The following TCAIM variants were observed in gnomAD, a reference collection of about 807,000 sequenced individuals.
The protein encoded by TCAIM is T-cell activation inhibitor, mitochondrial.
In TCAIM, 36 loss-of-function variants were observed where a neutral mutation model predicts 58.6. The observed-to-expected ratio is 0.61, with a 90% confidence interval of 0.47 to 0.81. TCAIM has a LOEUF of 0.81. Among genes scored for constraint, TCAIM ranks in the 30% least tolerant of loss-of-function variants. The probability of loss-of-function intolerance (pLI) is 0.00; values close to 1 mark genes in which losing one functional copy is unlikely to be tolerated. For synonymous variants in TCAIM, 172 were observed against 193.6 expected (o/e 0.89, Z 0.93); for missense variants, 466 against 579.6 (o/e 0.80, Z 2.01).
chr3:44,343,502 T>G (rs1559556697), intron 1 of TCAIM, among the ~76,000 whole-genome samples: 1 of 152,202 alleles, frequency 6.6e-6, no homozygotes, highest in African/African-American at 2.4e-5. Context: ...ATAACCAATA[T>G]GAAAAATTAT....
intron 1 of TCAIM, among the ~76,000 whole-genome samples, chr3:44,350,437 CTTT>C (rs34725315): frequency 6.9e-6 from 1 of 145,732 alleles, no homozygotes. Context: ...CATTTTCTTT[CTTT>C]TTTTTTTTTG....
chr3:44,365,018 A>G (rs1019484055), intron 4 of TCAIM, among the ~76,000 whole-genome samples: 1 of 152,154 alleles, frequency 6.6e-6, no homozygotes, highest in Admixed American at 6.5e-5. Flanking sequence ...GGCAATCCTC[A>G]CTATATAGCA....
intron 5 of TCAIM, among the ~76,000 whole-genome samples, chr3:44,377,712 GA>G (rs1250200387): frequency 1.3e-5 from 2 of 152,086 alleles, no homozygotes; most frequent in African/African-American, 4.8e-5. Context: ...ATCAACAACA[GA>G]AGTAAAACTG....
chr3:44,357,831 T>C lies in TCAIM; in HGVS notation c.120T>C (p.Tyr40=), dbSNP rs750107377. The C allele has an allele frequency of 6.2e-7, 1 of 1,614,176 alleles. No homozygotes were observed. The highest frequency in any genetic ancestry group is 8.5e-7 in the Non-Finnish European group (1 of 1,180,018). The change falls in exon 3 of 11, where the codon TAT becomes TAC. Residue 40 remains tyrosine (Y), a synonymous_variant. Transcript: ENST00000342649. The part of the protein sequence containing the change: ...AEAVNALRPF[Y]FAVHPDFFGQ... ...CAGTCAATGCCTTGAGGCCTTTCTATTTTGCAGTACATCCAGATTTCTTTG... is the reference window on the plus strand; with the variant it reads ...CAGTCAATGCCTTGAGGCCTTTCTACTTTGCAGTACATCCAGATTTCTTTG...
chr3:44,367,567 A>G lies in TCAIM; in HGVS notation c.431A>G (p.Asn144Ser), dbSNP rs202192231. ...GAACATATCCAAAGCTTGAATACTA[A>G]TATGCATACCCAGCCTCTCAAAGAA... ...SVEHIQSLNT[N>S]MHTQPLKEAK... The change falls in exon 5 of 11, where the codon AAT becomes AGT. Residue 144 changes from asparagine (N) to serine (S), a missense_variant. Physicochemically the swap from Asn to Ser is conservative, Grantham distance 46 (BLOSUM62 1). Coordinates refer to ENST00000342649, the MANE Select transcript of TCAIM (RefSeq NM_173826.4). The G allele has an allele frequency of 2.5e-6, 4 of 1,614,120 alleles. No homozygotes were observed. In the Admixed American group the frequency reaches 5.0e-5, roughly 20 times the overall value.
intron 1 of TCAIM, among the ~76,000 whole-genome samples, chr3:44,353,480 A>T (rs1026573055): frequency 2.0e-5 from 3 of 152,322 alleles, no homozygotes; most frequent in South Asian, 2.1e-4. Flanking sequence ...GAGTATGTTT[A>T]GTTTTGTAAG....
At chr3:44,348,022 G>A (rs1044028651) in intron 1 of TCAIM, among the ~76,000 whole-genome samples, 2 of 152,166 alleles carry the variant, frequency 1.3e-5, no homozygotes, top group Non-Finnish European at 2.9e-5. Context: ...GGGCAGGTGG[G>A]AATAACTAAA....
chr3:44,390,042 ACTT>A (rs1300578452), intron 5 of TCAIM, among the ~76,000 whole-genome samples: 1 of 152,164 alleles, frequency 6.6e-6, no homozygotes, highest in African/African-American at 2.4e-5. Flanking sequence ...AGGAAGAATT[ACTT>A]CTTCTTTTCT....
intron 2 of TCAIM, among the ~76,000 whole-genome samples, chr3:44,356,326 A>G (rs527956071): frequency 2.0e-5 from 3 of 152,278 alleles, no homozygotes; most frequent in Non-Finnish European, 2.9e-5. Context: ...CAGGAGTTCA[A>G]GACCAGCTGG....
chr3:44,354,608 T>C (rs750272720), intron 1 of TCAIM, 131 bp from the exon 2 acceptor site: 4 of 579,680 alleles, frequency 6.9e-6, no homozygotes, highest in Non-Finnish European at 1.2e-5. Context: ...GTTTTCCTTA[T>C]CTAGATCTTA....
intron 8 of TCAIM, among the ~76,000 whole-genome samples, chr3:44,399,965 A>C (rs1343504969): frequency 1.3e-5 from 2 of 152,224 alleles, no homozygotes; most frequent in African/African-American, 4.8e-5. Context: ...CTTTAAAGTA[A>C]ATTTTGAAGG....
chr3:44,366,160 T>C (rs1701370281), intron 4 of TCAIM, among the ~76,000 whole-genome samples: 1 of 152,148 alleles, frequency 6.6e-6, no homozygotes, highest in African/African-American at 2.4e-5. Context: ...TGAAAAGATA[T>C]GTAAATTAAG....
intron 10 of TCAIM, 140 bp from the exon 11 acceptor site, chr3:44,407,302 C>T: frequency 1.6e-6 from 1 of 606,790 alleles, no homozygotes; most frequent in Non-Finnish European, 2.6e-6. Context: ...TATAATTTGG[C>T]CTTTGTGGGT....
chr3:44,346,306 G>T (rs763913963), intron 1 of TCAIM, among the ~76,000 whole-genome samples: 22 of 152,272 alleles, frequency 1.4e-4, no homozygotes, highest in Admixed American at 5.2e-4. Context: ...AGGTGGGAAG[G>T]CCAAACCAAG....
chr3:44,352,923 CTTT>C (rs61357631), intron 1 of TCAIM, among the ~76,000 whole-genome samples: 2 of 131,740 alleles, frequency 1.5e-5, no homozygotes, highest in Admixed American at 8.1e-5. Context: ...AGATTGACTT[CTTT>C]TTTTTTTTTT....
chr3:44,340,758 C>T (rs188126195), intron 1 of TCAIM: 1 of 152,330 alleles, frequency 6.6e-6, no homozygotes, highest in African/African-American at 2.4e-5. Context: ...CACCCAGATT[C>T]TGATTCTGCA....
chr3:44,341,115 T>C (rs990408951), intron 1 of TCAIM: 1 of 152,188 alleles, frequency 6.6e-6, no homozygotes, highest in African/African-American at 2.4e-5. Context: ...TTTATATATA[T>C]AGGCATTTTC....
chr3:44,396,966 A>C, intron 8 of TCAIM, 132 bp downstream of exon 8: 2 of 783,868 alleles, frequency 2.6e-6, no homozygotes, highest in African/African-American at 1.7e-5. Context: ...TTTTAATCGC[A>C]GTATCAGCTG....
chr3:44,352,862 TTCATATGCTTGGAA>T (rs544397187), intron 1 of TCAIM, among the ~76,000 whole-genome samples: 41 of 152,016 alleles, frequency 2.7e-4, no homozygotes, highest in African/African-American at 3.6e-4. Flanking sequence ...CTGCTTGGAA[TTCATATGCTTGGAA>T]TCATATGCTT....
Sources: gnomAD v4.1 joint callset for allele counts (sites outside exome capture counted in the v4.1 genomes callset) on GRCh38, gnomAD v4.1.1 for gene constraint, MANE v1.5 for transcripts, NCBI Gene and HGNC (gene_info 2026-07-23, HGNC 2026-07-21) for gene names.